SMARCB1: variants seen among roughly 807,000 people sequenced by gnomAD.
The protein encoded by SMARCB1 is SWI/SNF related BAF chromatin remodeling complex subunit B1.
Under a neutral mutation model 49.0 loss-of-function variants are expected in SMARCB1, and 5 were observed. That is an observed-to-expected ratio of 0.10 (90% CI 0.05 to 0.21). SMARCB1 has a LOEUF of 0.21. SMARCB1 is among the 10% of genes least tolerant of loss of function. The pLI is 1.00. For synonymous variants in SMARCB1, 201 were observed against 200.1 expected, an observed-to-expected ratio of 1.00 and a Z score of -0.04; for missense variants, 226 against 509.2, an observed-to-expected ratio of 0.44 and a Z score of 5.35.
chr22:23,825,171 C>A (rs545593020), intron 6 of SMARCB1, 54 bp from the exon 7 acceptor site: 27 of 1,530,708 alleles, frequency 1.8e-5, no homozygotes, highest in Non-Finnish European at 2.4e-5. Context: ...CCGCTCCTCG[C>A]GGCCTCCCTG....
intron 5 of SMARCB1, among the ~76,000 whole-genome samples, chr22:23,810,527 C>CAAAAAAAAAAAA (rs201408640): frequency 1.3e-5 from 1 of 79,564 alleles, no homozygotes; most frequent in African/African-American, 5.4e-5. Context: ...GACTCTGTCT[C>CAAAAAAAAAAAA]AAAAAAAAAA....
chr22:23,793,312 G>A, intron 2 of SMARCB1: 2 of 579,480 alleles, frequency 3.5e-6, no homozygotes, highest in Non-Finnish European at 6.3e-6. Flanking sequence ...TCTGCCCCGA[G>A]CCAGTGCTCC....
intron 6 of SMARCB1, 36 bp from the exon 7 acceptor site, chr22:23,825,189 A>G (rs775635513): frequency 5.0e-6 from 8 of 1,604,442 alleles, no homozygotes; most frequent in Middle Eastern, 1.7e-4. Flanking sequence ...CTGGGCTGCA[A>G]AAGCTCTAAC....
At chr22:23,831,445 C>T (rs980159456) in intron 7 of SMARCB1, among the ~76,000 whole-genome samples, 9 of 152,118 alleles carry the variant, frequency 5.9e-5, no homozygotes, top group African/African-American at 1.9e-4. Flanking sequence ...CTTCGAAGCC[C>T]GTGAACCAGA....
Position 23,834,293 on chromosome 22 carries a change from C to T in SMARCB1, c.*113C>T, listed in dbSNP as rs886057286. The T allele has an allele frequency of 9.0e-5, 109 of 1,214,434 alleles. 1 individual carries two copies. Among genetic ancestry groups the T allele is most frequent in the Middle Eastern group, 3.7e-4 (2 of 5,396 alleles). 75.2% of individuals were successfully genotyped at this position (1,214,434 alleles called of 1,614,324 possible). On this transcript the variant is annotated 3_prime_UTR_variant, in exon 9 of 9. Transcript: ENST00000644036. Reference sequence around the variant, plus strand: ...GACAGCCCAGCGCCATCCTGAGGATCGGGTGGGGGTGGAGTGGGGGCTTCC... The same window carrying T: ...GACAGCCCAGCGCCATCCTGAGGATTGGGTGGGGGTGGAGTGGGGGCTTCC...
intron 4 of SMARCB1, chr22:23,802,108 T>G (rs1929192218): frequency 1.3e-5 from 2 of 154,184 alleles, no homozygotes; most frequent in East Asian, 3.8e-4. Context: ...TGCTGCCTTC[T>G]CAGCTCTGCA....
intron 3 of SMARCB1, among the ~76,000 whole-genome samples, chr22:23,798,773 G>A (rs1410328183): frequency 2.0e-5 from 3 of 152,044 alleles, no homozygotes; most frequent in Non-Finnish European, 2.9e-5. Flanking sequence ...TTTGTCGGCC[G>A]GGCGCGGTGA....
chr22:23,795,142 ACTGGGCATGGTAG>A (rs1012824250), intron 3 of SMARCB1, among the ~76,000 whole-genome samples: 2 of 151,972 alleles, frequency 1.3e-5, no homozygotes, highest in African/African-American at 4.8e-5. Flanking sequence ...CAAGCATAAG[ACTGGGCATGGTAG>A]CTTATGCCTG....
rs2030968220 is a variant in SMARCB1 at position 23,835,437 on chromosome 22, G to A, written c.*1257G>A. The A allele has an allele frequency of 3.0e-6, 3 of 986,498 alleles. No individual in the cohort carries two copies. Among genetic ancestry groups the A allele is most frequent in the African/African-American group, 1.7e-5 (1 of 57,426 alleles). The allele number at this position is 986,498 out of a possible 1,614,324, so 61.1% of individuals were successfully genotyped here. A position where few individuals can be genotyped will look rare whatever the true frequency, so the allele number is the denominator to read the frequency against. ...GGCTGCTGTGCTCCCTGGAAGTGGG[G>A]TAGGGCCCCATGTGGGGCAGAGGCA... On this transcript the variant is annotated 3_prime_UTR_variant, in exon 9 of 9. Coordinates refer to ENST00000644036, the MANE Select transcript of SMARCB1 (RefSeq NM_003073.5).
chr22:23,787,209 C>T lies in SMARCB1; in HGVS notation c.40C>T (p.Pro14Ser). The T allele has an allele frequency of 6.2e-7, 1 of 1,609,074 alleles. No individual in the cohort carries two copies. Among genetic ancestry groups the T allele is most frequent in the Non-Finnish European group, 8.5e-7 (1 of 1,177,384 alleles). ...GCTGAGCAAGACCTTCGGGCAGAAG[C>T]CCGTGAAGTTCCAGCTGGAGGACGA... ...MALSKTFGQK[P>S]VKFQLEDDGE... Residue 14 changes from proline to serine, a missense_variant, in exon 1 of 9, where the codon CCC (proline) becomes TCC (serine). Physicochemically the swap from Pro to Ser is moderately conservative, Grantham distance 74. Around this residue, in one of 6 missense-constraint regions of SMARCB1, gnomAD observed 37 missense variants for 36.9 expected, o/e 1.00. Coordinates refer to ENST00000644036, the MANE Select transcript of SMARCB1 (RefSeq NM_003073.5).
At chr22:23,808,353 C>T (rs145396234) in intron 5 of SMARCB1, among the ~76,000 whole-genome samples, 14,711 of 152,108 alleles carry the variant, frequency 0.097, 2,123 homozygotes, top group African/African-American at 0.32. Flanking sequence ...GATCTCCCGA[C>T]CTCGTGATCC....
Position 23,833,623 on chromosome 22 carries a change from G to A in SMARCB1, c.1038G>A (p.Ala346=), listed in dbSNP as rs777241431. 6.8e-6 allele frequency: 11 copies of A among 1,614,048 alleles called. No homozygotes were observed. Among genetic ancestry groups the A allele is most frequent in the Admixed American group, 5.0e-5 (3 of 60,006 alleles). The part of the protein sequence containing the change: ...VEIAIRNTGD[A]DQWCPLLETL... Reference sequence around the variant, plus strand: ...TTGCCATCCGGAACACGGGCGATGCGGACCAGTGGTGCCCACTGCTGGAGA... The same window carrying A: ...TTGCCATCCGGAACACGGGCGATGCAGACCAGTGGTGCCCACTGCTGGAGA... The change falls in exon 8 of 9, where the codon GCG becomes GCA. Residue 346 remains alanine (A), a synonymous_variant. Transcript: ENST00000644036.
chr22:23,791,736 C>G lies in SMARCB1; in HGVS notation c.94-20C>G. 6.2e-7 allele frequency: 1 copy of G among 1,612,946 alleles called. No individual in the cohort carries two copies. The highest frequency in any genetic ancestry group is 8.5e-7 in the Non-Finnish European group (1 of 1,179,398). ...GTGGTGCTGCGACCCTTATAATGAG[C>G]CTTCTTGCTTTACTCATAGGTGGGA... is the stretch of plus-strand genomic sequence containing the variant. On this transcript the variant is annotated intron_variant, in intron 1 of 8. Coordinates refer to ENST00000644036, the MANE Select transcript of SMARCB1 (RefSeq NM_003073.5).
chr22:23,821,936 C>T (rs2030110278), intron 6 of SMARCB1, among the ~76,000 whole-genome samples: 1 of 152,088 alleles, frequency 6.6e-6, no homozygotes, highest in Non-Finnish European at 1.5e-5. Flanking sequence ...CTCCTGGGCT[C>T]AAGCAACTCT....
chr22:23,794,101 C>T (rs557231944), intron 3 of SMARCB1, among the ~76,000 whole-genome samples: 27 of 152,340 alleles, frequency 1.8e-4, no homozygotes, highest in African/African-American at 6.5e-4. Context: ...TGCGCCACCA[C>T]GCCCAGCTAA....
chr22:23,833,769 C>T (rs2146043329), intron 8 of SMARCB1, 66 bp downstream of exon 8: 2 of 1,571,024 alleles, frequency 1.3e-6, no homozygotes, highest in East Asian at 2.2e-5. Context: ...AGAGGCAGGG[C>T]CATTGCCTTT....
intron 4 of SMARCB1, chr22:23,802,084 C>T (rs1929190064): frequency 6.5e-6 from 1 of 154,748 alleles, no homozygotes; most frequent in Admixed American, 6.4e-5. Context: ...CTAGCAGCCC[C>T]TACCTCCCCT....
intron 5 of SMARCB1, chr22:23,803,922 G>C (rs1324585175): frequency 8.9e-6 from 2 of 223,796 alleles, no homozygotes; most frequent in Non-Finnish European, 9.1e-6. Flanking sequence ...GACAGAACTC[G>C]GTCTTTGTGC....
At chr22:23,825,076 TG>T in intron 6 of SMARCB1, 148 bp from the exon 7 acceptor site, 1 of 690,510 alleles carries the variant, frequency 1.4e-6, no homozygotes. Context: ...GTTTTGGGGA[TG>T]GGGAACTGGA....
Sources: gnomAD v4.1 joint callset for allele counts (sites outside exome capture counted in the v4.1 genomes callset) on GRCh38, gnomAD v4.1.1 for gene constraint, gnomAD v4.1.1 regional missense constraint, MANE v1.5 for transcripts, NCBI Gene and HGNC (gene_info 2026-07-23, HGNC 2026-07-21) for gene names.